NEK10: variants seen among roughly 807,000 people sequenced by gnomAD.
NEK10 encodes the protein serine/threonine-protein kinase Nek10.
A neutral mutation model predicts 159.8 loss-of-function variants in NEK10; 122 were observed. The ratio of observed to expected loss-of-function variants is 0.76; its 90% CI spans 0.66 to 0.89. NEK10 has a LOEUF of 0.89. Among genes scored for constraint, NEK10 ranks in the 40% least tolerant of loss-of-function variants. The pLI is 0.00. For missense variants in NEK10, 1,342 were observed against 1,323.1 expected (o/e 1.01, Z -0.22); for synonymous variants, 466 against 457.1 (o/e 1.02, Z -0.25).
At chr3:27,325,747 C>G (rs1483498239) in intron 5 of NEK10, among the ~76,000 whole-genome samples, 1 of 152,156 alleles carries the variant, frequency 6.6e-6, no homozygotes, top group Non-Finnish European at 1.5e-5. Context: ...CTCCTGAGTG[C>G]TCATTATAGA....
chr3:27,368,150 A>C (rs1056760648), intron 1 of NEK10, among the ~76,000 whole-genome samples: 1 of 152,084 alleles, frequency 6.6e-6, no homozygotes, highest in East Asian at 1.9e-4. Context: ...AAAATTAGCC[A>C]GGCGTAGTGG....
At chr3:27,188,833 C>T (rs1948857117) in intron 26 of NEK10, among the ~76,000 whole-genome samples, 1 of 152,152 alleles carries the variant, frequency 6.6e-6, no homozygotes, top group Non-Finnish European at 1.5e-5. Context: ...CTTTAATACA[C>T]ACTATTGTAT....
intron 26 of NEK10, among the ~76,000 whole-genome samples, chr3:27,178,755 C>T (rs756913722): frequency 6.6e-6 from 1 of 152,170 alleles, no homozygotes; most frequent in African/African-American, 2.4e-5. Context: ...GTGGACTAGA[C>T]CATAGCTGAG....
chr3:27,177,086 G>T (rs921611554), intron 26 of NEK10, among the ~76,000 whole-genome samples: 2 of 152,134 alleles, frequency 1.3e-5, no homozygotes, highest in South Asian at 4.1e-4. Context: ...AACCAATTGG[G>T]TCATAAATCA....
chr3:27,338,163 C>T (rs2046945362), intron 5 of NEK10, among the ~76,000 whole-genome samples: 1 of 152,182 alleles, frequency 6.6e-6, no homozygotes, highest in South Asian at 2.1e-4. Flanking sequence ...GTTCAACTCC[C>T]ACTTATGAGT....
chr3:27,353,019 A>G, intron 1 of NEK10, 100 bp from the exon 2 acceptor site: 1 of 612,496 alleles, frequency 1.6e-6, no homozygotes, highest in Non-Finnish European at 2.9e-6. Context: ...CTATTTAAAC[A>G]TGGAAAACCT....
At chr3:27,115,236 A>G (rs1940224700) in intron 35 of NEK10, among the ~76,000 whole-genome samples, 1 of 152,206 alleles carries the variant, frequency 6.6e-6, no homozygotes, top group Middle Eastern at 3.2e-3. Context: ...TCAGGCTTCA[A>G]TCACCTACAA....
chr3:27,311,310 T>C (rs1177329381), intron 8 of NEK10: 1 of 221,492 alleles, frequency 4.5e-6, no homozygotes, highest in Non-Finnish European at 8.8e-6. Flanking sequence ...CAGTTCAAAG[T>C]GAGGCCTATT....
At chr3:27,215,012 A>C in intron 23 of NEK10, 2 of 635,182 alleles carry the variant, frequency 3.1e-6, no homozygotes, top group Non-Finnish European at 5.9e-6. Context: ...CCAAGCTCCA[A>C]CTCCGACCTG....
At chr3:27,322,305 A>G (rs2045700531) in intron 5 of NEK10, 44 bp from the exon 6 acceptor site, 2 of 1,193,474 alleles carry the variant, frequency 1.7e-6, no homozygotes, top group African/African-American at 1.5e-5. Flanking sequence ...TTAAAATCCC[A>G]GTGTGGCAAT....
chr3:27,252,332 A>G (rs138864863), intron 23 of NEK10: 306 of 398,758 alleles, frequency 7.7e-4, no homozygotes, highest in African/African-American at 5.8e-3. Flanking sequence ...GAATGAAGTA[A>G]AGAAGTAAAC....
chr3:27,267,136 A>G (rs2040963215), intron 22 of NEK10, among the ~76,000 whole-genome samples: 1 of 152,194 alleles, frequency 6.6e-6, no homozygotes, highest in African/African-American at 2.4e-5. Context: ...TGGCTTCCTG[A>G]AAAACATGGT....
At position 27,106,488 on chromosome 3, in the gene NEK10, G is replaced by A. The variant is rs896255935; in HGVS notation, c.*4784C>T. Among the ~76,000 whole-genome samples the A allele has an allele frequency of 2.6e-5, 4 of 152,114 alleles. No individual in the cohort carries two copies. Among genetic ancestry groups the A allele is most frequent in the Non-Finnish European group, 4.4e-5 (3 of 68,020 alleles). On this transcript the variant is annotated 3_prime_UTR_variant, in exon 36 of 36. Transcript: ENST00000691995. ...ATGAGGCAAACACACAGAATATGGA[G>A]GGCAACAGTTTTAGCTAAAATTTAA... is the stretch of plus-strand genomic sequence containing the variant.
chr3:27,165,286 G>T lies in NEK10; in HGVS notation c.2832-2548C>A, dbSNP rs189828428. ...TCATCTGAAATTTCAAAATAGAACA[G>T]ACTCATTGTCACCAGAAGTGACAGC... On this transcript the variant is annotated intron_variant, in intron 29 of 35. Transcript: ENST00000691995. 3.2e-3 allele frequency among the ~76,000 whole-genome samples: 483 copies of T among 152,270 alleles called. 2 individuals are homozygous for T. Among genetic ancestry groups the T allele is most frequent in the African/African-American group, 0.011 (444 of 41,552 alleles).
intron 23 of NEK10, among the ~76,000 whole-genome samples, chr3:27,248,352 T>C (rs1343779814): frequency 6.6e-6 from 1 of 152,156 alleles, no homozygotes; most frequent in Non-Finnish European, 1.5e-5. Context: ...TTTCTTCATT[T>C]CCATTGCTTT....
chr3:27,139,095 A>C (rs1006031429), intron 31 of NEK10, among the ~76,000 whole-genome samples: 6 of 152,196 alleles, frequency 3.9e-5, no homozygotes, highest in African/African-American at 1.4e-4. Flanking sequence ...ATCGAAATTT[A>C]ATCGAGCAGC....
chr3:27,321,108 G>C (rs192964987), intron 6 of NEK10, among the ~76,000 whole-genome samples: 158 of 151,932 alleles, frequency 1.0e-3, no homozygotes, highest in Middle Eastern at 6.8e-3. Context: ...AAAATTAAAG[G>C]TGTGAGCTTC....
In NEK10 at chr3:27,269,285, C is replaced by T. The variant is rs540578539; in HGVS notation, c.2015-12914G>A. ...GGATTGACTCCAATTTTGAAAGAAG[C>T]TTTACTGTGGGTAAAATGCTATCAA... On this transcript the variant is annotated intron_variant, in intron 22 of 35. Transcript: ENST00000691995. Among the ~76,000 whole-genome samples the T allele has an allele frequency of 3.9e-5, 6 of 152,274 alleles. No individual in the cohort carries two copies. In the South Asian group the frequency reaches 1.0e-3, roughly 26 times the overall value.
chr3:27,288,126 T>C (rs1345529242), intron 19 of NEK10, among the ~76,000 whole-genome samples: 1 of 152,228 alleles, frequency 6.6e-6, no homozygotes, highest in Admixed American at 6.5e-5. Context: ...TTCTGTTGAC[T>C]ACAAATATTC....
Sources: gnomAD v4.1 joint callset for allele counts (sites outside exome capture counted in the v4.1 genomes callset) on GRCh38, gnomAD v4.1.1 for gene constraint, MANE v1.5 for transcripts, NCBI Gene and HGNC (gene_info 2026-07-23, HGNC 2026-07-21) for gene names.